NPAS3: variants seen among roughly 807,000 people sequenced by gnomAD.
NPAS3 encodes neuronal PAS domain protein 3.
In NPAS3, 14 loss-of-function variants were observed where a neutral mutation model predicts 73.1. The ratio of observed to expected loss-of-function variants is 0.19; its 90% CI spans 0.13 to 0.30. NPAS3 has a LOEUF of 0.30. Among genes scored for constraint, NPAS3 ranks in the 10% least tolerant of loss-of-function variants. The pLI, the probability that NPAS3 is intolerant of heterozygous loss-of-function variation, is 1.00. For synonymous variants in NPAS3, 620 were observed against 541.5 expected (o/e 1.14, Z -2.01); for missense variants, 1,096 against 1,250.0 (o/e 0.88, Z 1.86).
At chr14:33,731,019 T>C (rs1464200752) in intron 6 of NPAS3, among the ~76,000 whole-genome samples, 1 of 152,300 alleles carries the variant, frequency 6.6e-6, no homozygotes, top group East Asian at 1.9e-4. Context: ...TTACTTACTT[T>C]TGAGGAGTAA....
intron 2 of NPAS3, among the ~76,000 whole-genome samples, chr14:33,061,102 A>G (rs1959177): frequency 0.47 from 72,074 of 152,028 alleles, 17,252 homozygotes; most frequent in East Asian, 0.65. Context: ...ACAGAGTGCT[A>G]ACCACTTTCA....
chr14:33,612,686 T>C (rs2057788832), intron 5 of NPAS3: 1 of 348,720 alleles, frequency 2.9e-6, no homozygotes, highest in Admixed American at 3.7e-5. Context: ...GAGCAAACTT[T>C]ACATTTGTGA....
chr14:33,496,353 C>T (rs1474206016), intron 4 of NPAS3, among the ~76,000 whole-genome samples: 2 of 152,102 alleles, frequency 1.3e-5, no homozygotes, highest in Non-Finnish European at 2.9e-5. Context: ...TTTTATGAGG[C>T]CAGCATCAGC....
intron 3 of NPAS3, among the ~76,000 whole-genome samples, chr14:33,307,593 A>ATGTGGGTGTGTGTG (rs2042805616): frequency 7.2e-6 from 1 of 138,950 alleles, no homozygotes; most frequent in Non-Finnish European, 1.5e-5. Flanking sequence ...TTTTTTTTCA[A>ATGTGGGTGTGTGTG]TGTGTGTGTG....
chr14:33,501,158 A>C (rs543174064), intron 4 of NPAS3, among the ~76,000 whole-genome samples: 1 of 152,106 alleles, frequency 6.6e-6, no homozygotes, highest in South Asian at 2.1e-4. Flanking sequence ...TGTGTGTGCT[A>C]AACATATCCC....
intron 3 of NPAS3, among the ~76,000 whole-genome samples, chr14:33,242,555 T>C (rs1594485784): frequency 6.6e-6 from 1 of 152,210 alleles, no homozygotes; most frequent in Non-Finnish European, 1.5e-5. Context: ...TTTTCAAATG[T>C]CTTAGTCAGA....
At chr14:33,059,394 C>T (rs2041008363) in intron 2 of NPAS3, among the ~76,000 whole-genome samples, 1 of 152,158 alleles carries the variant, frequency 6.6e-6, no homozygotes, top group East Asian at 1.9e-4. Context: ...AATAGTTACT[C>T]TAACTTCTGT....
At chr14:33,725,846 C>A (rs184206517) in intron 6 of NPAS3, among the ~76,000 whole-genome samples, 4 of 152,098 alleles carry the variant, frequency 2.6e-5, no homozygotes, top group African/African-American at 7.2e-5. Context: ...TTTCTTTGAT[C>A]GCAAAACCCT....
rs565314918 is a variant in NPAS3 at position 33,061,145 on chromosome 14, C to T, written c.140+5151C>T. Among the ~76,000 whole-genome samples, 95 of 152,254 alleles carry T rather than the reference C, an allele frequency of 6.2e-4. No homozygotes were observed. In the Middle Eastern group the frequency reaches 0.01, roughly 16 times the overall value. The stretch of plus-strand genomic sequence containing the variant: ...TCCCAATTAAGGCGAACAAGACAGG[C>T]GCCTTGTCAGGGATTCTGCTGGGGG... On this transcript the variant is annotated intron_variant, in intron 2 of 11. Transcript: ENST00000356141.
intron 7 of NPAS3, among the ~76,000 whole-genome samples, chr14:33,758,376 A>G (rs1262703971): frequency 6.6e-6 from 1 of 152,262 alleles, no homozygotes; most frequent in Non-Finnish European, 1.5e-5. Flanking sequence ...GTGCCTTGTC[A>G]GGATGGCTCT....
intron 4 of NPAS3, among the ~76,000 whole-genome samples, chr14:33,545,487 A>G (rs2054801607): frequency 1.3e-5 from 2 of 152,142 alleles, no homozygotes; most frequent in Non-Finnish European, 2.9e-5. Context: ...TGTTCTTTAC[A>G]TTTTCCTATG....
chr14:33,544,804 A>ATGTG (rs1211663138), intron 4 of NPAS3, among the ~76,000 whole-genome samples: 2 of 78,742 alleles, frequency 2.5e-5, no homozygotes, highest in African/African-American at 1.6e-4. Flanking sequence ...ATATATATAT[A>ATGTG]TATATATGTA....
At chr14:33,325,102 C>T (rs371296330) in intron 3 of NPAS3, among the ~76,000 whole-genome samples, 7 of 151,940 alleles carry the variant, frequency 4.6e-5, no homozygotes, top group Admixed American at 2.6e-4. Flanking sequence ...ATGTGGATAG[C>T]GGCTAGGTAA....
intron 2 of NPAS3, among the ~76,000 whole-genome samples, chr14:33,187,067 C>T (rs986548839): frequency 2.6e-5 from 4 of 152,212 alleles, no homozygotes; most frequent in Admixed American, 6.5e-5. Flanking sequence ...ATTACCACAA[C>T]ACCCTTTGAA....
chr14:33,521,950 A>G (rs1045367914), intron 4 of NPAS3, among the ~76,000 whole-genome samples: 7 of 152,066 alleles, frequency 4.6e-5, no homozygotes, highest in African/African-American at 1.7e-4. Context: ...CATCTTACCT[A>G]TTTGATTAAT....
chr14:33,408,873 G>A (rs1229499814), intron 4 of NPAS3, among the ~76,000 whole-genome samples: 2 of 152,142 alleles, frequency 1.3e-5, no homozygotes, highest in African/African-American at 4.8e-5. Flanking sequence ...TGAGATTTCT[G>A]TGAGTCCTCC....
intron 5 of NPAS3, among the ~76,000 whole-genome samples, chr14:33,635,595 A>G (rs2058492275): frequency 1.3e-5 from 2 of 152,136 alleles, no homozygotes; most frequent in Non-Finnish European, 2.9e-5. Context: ...CTGAGCCTCC[A>G]TTTTGAAGTT....
At chr14:32,938,466 A>AGAGAGAGAGAAATC (rs2035776186), upstream of NPAS3, among the ~76,000 whole-genome samples, 1 of 129,216 alleles carries the variant, frequency 7.7e-6, no homozygotes. Context: ...AAAGAGAGAG[A>AGAGAGAGAGAAATC]GAGAGAGAGA....
At chr14:33,380,606 G>A (rs540982487) in intron 4 of NPAS3, among the ~76,000 whole-genome samples, 3 of 152,272 alleles carry the variant, frequency 2.0e-5, no homozygotes, top group South Asian at 2.1e-4. Context: ...CAGTAGAACC[G>A]TGTCTAAGAA....
Sources: gnomAD v4.1 joint callset for allele counts (sites outside exome capture counted in the v4.1 genomes callset) on GRCh38, gnomAD v4.1.1 for gene constraint, MANE v1.5 for transcripts, NCBI Gene and HGNC (gene_info 2026-07-23, HGNC 2026-07-21) for gene names.